APP: variants seen among roughly 807,000 people sequenced by gnomAD.
The protein encoded by APP is amyloid beta precursor protein, also known as amyloid-beta precursor protein.
A neutral mutation model predicts 101.4 loss-of-function variants in APP; 31 were observed. That is an observed-to-expected ratio of 0.31 (90% CI 0.23 to 0.41). The LOEUF (loss-of-function observed/expected upper bound fraction) is 0.41. Among genes scored for constraint, APP ranks in the 10% least tolerant of loss-of-function variants. The pLI, the probability that APP is intolerant of heterozygous loss-of-function variation, is 1.00. For missense variants in APP, 839 were observed against 1,003.7 expected, an observed-to-expected ratio of 0.84 and a Z score of 2.22; for synonymous variants, 366 against 364.4, an observed-to-expected ratio of 1.00 and a Z score of -0.05.
chr21:26,167,453 T>C (rs979581413), intron 1 of APP, among the ~76,000 whole-genome samples: 2 of 152,252 alleles, frequency 1.3e-5, no homozygotes, highest in Non-Finnish European at 2.9e-5. Flanking sequence ...ACAATGTACA[T>C]TTCTACTGAA....
chr21:26,109,247 A>T (rs781574495), intron 2 of APP, among the ~76,000 whole-genome samples: 5 of 152,202 alleles, frequency 3.3e-5, no homozygotes, highest in African/African-American at 4.8e-5. Flanking sequence ...TCCCTACCCA[A>T]ATCTCATGTC....
At chr21:25,956,584 CAAAA>C (rs903472255) in intron 11 of APP, among the ~76,000 whole-genome samples, 10 of 152,052 alleles carry the variant, frequency 6.6e-5, no homozygotes, top group Admixed American at 6.6e-4. Flanking sequence ...AACAAACAAA[CAAAA>C]AAACCAGTTG....
chr21:26,054,826 T>G (rs963695230), intron 3 of APP, among the ~76,000 whole-genome samples: 2 of 151,920 alleles, frequency 1.3e-5, no homozygotes, highest in Admixed American at 1.3e-4. Flanking sequence ...CAGGAATGAA[T>G]GTCTTTCTTT....
chr21:26,049,865 C>T (rs1047498841), intron 5 of APP, among the ~76,000 whole-genome samples: 6 of 152,052 alleles, frequency 3.9e-5, no homozygotes, highest in African/African-American at 7.2e-5. Context: ...AGCTATAAAC[C>T]TTATGGTACT....
chr21:25,908,480 ATGTGTGTG>A (rs141633681), intron 14 of APP, among the ~76,000 whole-genome samples: 2 of 151,844 alleles, frequency 1.3e-5, no homozygotes, highest in Non-Finnish European at 2.9e-5. Flanking sequence ...AGTTGGGTGT[ATGTGTGTG>A]TGTGTGCACA....
At chr21:25,962,221 T>G (rs1205956194) in intron 11 of APP, among the ~76,000 whole-genome samples, 1 of 152,186 alleles carries the variant, frequency 6.6e-6, no homozygotes, top group African/African-American at 2.4e-5. Context: ...CACACTGCCT[T>G]TTAAAAAATC....
At chr21:25,920,680 A>G (rs1361537837) in intron 13 of APP, among the ~76,000 whole-genome samples, 1 of 151,864 alleles carries the variant, frequency 6.6e-6, no homozygotes, top group Non-Finnish European at 1.5e-5. Context: ...GGAGCTAACT[A>G]TCCTAAACAT....
At chr21:25,997,509 C>T in intron 7 of APP, 93 bp from the exon 8 acceptor site, 1 of 1,148,166 alleles carries the variant, frequency 8.7e-7, no homozygotes, top group South Asian at 1.3e-5. Context: ...AAAAAACAAC[C>T]TAACAAACAA....
chr21:25,887,488 T>C (rs1422670473), intron 17 of APP, among the ~76,000 whole-genome samples: 3 of 142,064 alleles, frequency 2.1e-5, no homozygotes, highest in Non-Finnish European at 4.5e-5. Flanking sequence ...GCTAAGTAAA[T>C]TCAGTAAGTC....
At chr21:25,901,480 G>T (rs2038482502) in intron 15 of APP, among the ~76,000 whole-genome samples, 1 of 152,116 alleles carries the variant, frequency 6.6e-6, no homozygotes, top group Non-Finnish European at 1.5e-5. Flanking sequence ...GCTCTTGGCA[G>T]AAGAGCTCTT....
At chr21:25,929,629 T>G (rs1387165956) in intron 13 of APP, among the ~76,000 whole-genome samples, 1 of 152,220 alleles carries the variant, frequency 6.6e-6, no homozygotes, top group Non-Finnish European at 1.5e-5. Flanking sequence ...TTCCTAGATA[T>G]AGAATGAATT....
intron 13 of APP, among the ~76,000 whole-genome samples, chr21:25,915,035 G>C (rs2039285425): frequency 6.6e-6 from 1 of 152,154 alleles, no homozygotes. Flanking sequence ...CTCCCTCTTT[G>C]TTTCAGTGGG....
intron 3 of APP, 77 bp from the exon 4 acceptor site, chr21:26,053,425 A>G (rs2145965588): frequency 1.8e-6 from 2 of 1,085,314 alleles, no homozygotes; most frequent in South Asian, 1.3e-5. Flanking sequence ...TCAAGGAAAG[A>G]TAGACTTCAA....
chr21:25,966,871 A>G (rs986111263), intron 11 of APP, among the ~76,000 whole-genome samples: 10 of 152,184 alleles, frequency 6.6e-5, no homozygotes, highest in Admixed American at 5.2e-4. Flanking sequence ...GTGGCGAAAA[A>G]TTTATTTATG....
chr21:26,096,163 C>T (rs537101301), intron 2 of APP, among the ~76,000 whole-genome samples: 8 of 152,346 alleles, frequency 5.3e-5, no homozygotes, highest in African/African-American at 1.9e-4. Flanking sequence ...CCCACATGGA[C>T]AAACCTCCTC....
rs1481257485 is a variant in APP, at chr21:25,881,620, G to C, written c.*50C>G. 6.4e-7 allele frequency: 1 copy of C among 1,564,138 alleles called. No homozygotes were observed. Among genetic ancestry groups the C allele is most frequent in the South Asian group, 1.1e-5 (1 of 90,104 alleles). ...TTCTATAAATGGACACCGATGGGTA[G>C]TGAAGCAATGGTTTTGCTGTCCAAC... On this transcript the variant is annotated 3_prime_UTR_variant, in exon 18 of 18. Transcript: ENST00000346798.
chr21:26,016,249 T>C (rs1171845739), intron 6 of APP, among the ~76,000 whole-genome samples: 2 of 152,078 alleles, frequency 1.3e-5, no homozygotes, highest in Non-Finnish European at 2.9e-5. Context: ...GCCAGGCTGG[T>C]CTCTAACTCC....
intron 1 of APP, among the ~76,000 whole-genome samples, chr21:26,121,382 A>G (rs1037012920): frequency 2.0e-5 from 3 of 151,594 alleles, no homozygotes; most frequent in African/African-American, 7.3e-5. Flanking sequence ...GCAGTTATAC[A>G]CAGATCCTCA....
At chr21:26,083,123 A>C (rs2061630136) in intron 3 of APP, among the ~76,000 whole-genome samples, 1 of 152,204 alleles carries the variant, frequency 6.6e-6, no homozygotes, top group African/African-American at 2.4e-5. Flanking sequence ...ATATTTTCAT[A>C]AACAATTATG....
Sources: allele counts gnomAD v4.1 joint callset (sites outside exome capture counted in the v4.1 genomes callset), GRCh38; gene constraint gnomAD v4.1.1; transcripts MANE v1.5; gene names NCBI Gene and HGNC (gene_info 2026-07-23, HGNC 2026-07-21).